Variants in AGAP3 observed in about 807,000 individuals in gnomAD.
AGAP3 encodes arf-GAP with GTPase, ANK repeat and PH domain-containing protein 3.
In AGAP3, 24 loss-of-function variants were observed where a neutral mutation model predicts 96.9. The observed-to-expected ratio is 0.25, with a 90% CI of 0.18 to 0.35. The LOEUF is 0.35. Among genes scored for constraint, AGAP3 ranks in the 10% least tolerant of loss-of-function variants. The probability of loss-of-function intolerance (pLI) is 1.00; values close to 1 mark genes in which losing one functional copy is unlikely to be tolerated. For missense variants in AGAP3, 876 were observed against 1,254.2 expected (o/e 0.70, Z 4.55); for synonymous variants, 563 against 536.1 (o/e 1.05, Z -0.69).
In AGAP3 at chr7:151,096,901, C is replaced by T. The variant is rs979707567; in HGVS notation, c.331+9829C>T. Among the ~76,000 whole-genome samples, 3 of 152,138 alleles carry T rather than the reference C, an allele frequency of 2.0e-5. No homozygotes were observed. Among genetic ancestry groups the T allele is most frequent in the Admixed American group, 2.0e-4 (3 of 15,276 alleles). On this transcript the variant is annotated intron_variant, in intron 1 of 17. Coordinates refer to ENST00000397238, the MANE Select transcript of AGAP3 (RefSeq NM_031946.7). This position sits in a 1 kb window ranked among gnomAD's most constrained non-coding sequence, Gnocchi z 4.4. ...TCAAGCAATTCTCGTGCCTCAGCCT[C>T]CCAAGGCACATGCCTTGGGATTACA...
rs560412863 is a variant in AGAP3 at position 151,121,699 on chromosome 7, C to T, written c.1128+1554C>T. ...GCTCACGGCACGGCCTTCCCTCTGG[C>T]GCTTCCATTCTCTCCATCCTCACAG... On this transcript the variant is annotated intron_variant, in intron 8 of 17. Transcript: ENST00000397238. Among the ~76,000 whole-genome samples the T allele has an allele frequency of 8.5e-5, 13 of 152,330 alleles. No homozygotes were observed. In the East Asian group the frequency reaches 9.6e-4, roughly 11 times the overall value.
chr7:151,087,369 C>A (rs1216063133), intron 1 of AGAP3, among the ~76,000 whole-genome samples: 1 of 152,034 alleles, frequency 6.6e-6, no homozygotes. Flanking sequence ...GGAAGGTGGG[C>A]GCGGCAGAGG....
Position 151,134,836 on chromosome 7 carries a change from G to A in AGAP3, c.1495+268G>A, listed in dbSNP as rs534165748. Among the ~76,000 whole-genome samples, 3 of 152,266 alleles carry A rather than the reference G, an allele frequency of 2.0e-5. No individual in the cohort carries two copies. The East Asian group carries it at 5.8e-4, about 29-fold the overall frequency. On this transcript the variant is annotated intron_variant, in intron 11 of 17. Transcript: ENST00000397238. ...TGGGCAGTGGTGCTGGTGGTCCTAG[G>A]CCCATCTCTGCATCTGGATCCGAGG... is the stretch of plus-strand genomic sequence containing the variant.
At position 151,140,286 on chromosome 7, in the gene AGAP3, G is replaced by GT. The variant is rs1293030637; in HGVS notation, c.1804+171dup. On this transcript the variant is annotated intron_variant, in intron 13 of 17. Coordinates refer to ENST00000397238, the MANE Select transcript of AGAP3 (RefSeq NM_031946.7). The surrounding 1 kb of genome is among the most constrained non-coding windows in gnomAD (Gnocchi z 5.4). ...AGCTTCTTTTGGTAATCTAGACCTG[G>GT]TATCTTAGAAAAGTTCTTCTGATAA... 8.1e-6 allele frequency: 6 copies of GT among 740,852 alleles called. No individual in the cohort carries two copies. The allele number at this position is 740,852 out of a possible 1,614,324, so 45.9% of individuals were successfully genotyped here.
intron 8 of AGAP3, chr7:151,120,765 G>A: frequency 8.4e-7 from 1 of 1,190,894 alleles, no homozygotes; most frequent in Non-Finnish European, 1.1e-6. Flanking sequence ...GTCTCCTTGT[G>A]AGCTCCTCAC....
rs760243698 is a variant in AGAP3, at chr7:151,134,532, G to A, written c.1459G>A (p.Val487Met). The change falls in exon 11 of 18, where the codon GTG becomes ATG. Residue 487 changes from valine to methionine, a missense_variant. This residue lies in a region of AGAP3 where 63 missense variants were observed against 114.5 expected (regional missense o/e 0.55). Transcript: ENST00000397238. ...CAGCCCCCGTGCCAACGGGCTGTCCGTGGAGCGGAGTAACACACAGCTGGG... is the reference window on the plus strand; with the variant it reads ...CAGCCCCCGTGCCAACGGGCTGTCCATGGAGCGGAGTAACACACAGCTGGG... ...GTSPRANGLS[V>M]ERSNTQLGGG... 1.2e-5 allele frequency: 19 copies of A among 1,612,690 alleles called. No individual in the cohort carries two copies. The highest frequency in any genetic ancestry group is 1.1e-4 in the East Asian group (5 of 44,882).
Position 151,138,163 on chromosome 7 carries a change from A to AGC in AGAP3, c.1519_1520dup (p.Ser508HisfsTer184). Reference sequence around the variant, plus strand: ...CCCAGGTGCCCCCCACTCGGCCAGCAGCGCATCCCTGCACTCTGAGCGCCC... The same window carrying AGC: ...CCCAGGTGCCCCCCACTCGGCCAGCAGCGCGCATCCCTGCACTCTGAGCGCCC... On this transcript the variant is annotated frameshift_variant, in exon 12 of 18. Transcript: ENST00000397238. LOFTEE classifies it high-confidence loss of function. The AGC allele has an allele frequency of 6.2e-7, 1 of 1,604,692 alleles. No homozygotes were observed. Among genetic ancestry groups the AGC allele is most frequent in the Non-Finnish European group, 8.5e-7 (1 of 1,176,242 alleles).
chr7:151,119,849 A>G, intron 7 of AGAP3, 138 bp from the exon 8 acceptor site: 1 of 720,570 alleles, frequency 1.4e-6, no homozygotes, highest in Non-Finnish European at 2.2e-6. Flanking sequence ...CCCCCATATC[A>G]TCTGTAGGGG....
intron 1 of AGAP3, among the ~76,000 whole-genome samples, chr7:151,112,538 G>A (rs1328268889): frequency 6.6e-6 from 1 of 151,880 alleles, no homozygotes; most frequent in Non-Finnish European, 1.5e-5. Flanking sequence ...TCCCCTGTCG[G>A]ATACCGTGTC....
At chr7:151,093,933 G>T (rs571707409) in intron 1 of AGAP3, among the ~76,000 whole-genome samples, 1 of 152,180 alleles carries the variant, frequency 6.6e-6, no homozygotes, top group African/African-American at 2.4e-5. Flanking sequence ...CTCCCTGGCC[G>T]GGGGTCTTGT....
At chr7:151,138,746 G>A (rs890228036) in intron 12 of AGAP3, among the ~76,000 whole-genome samples, 13 of 152,194 alleles carry the variant, frequency 8.5e-5, no homozygotes, top group African/African-American at 1.7e-4. Flanking sequence ...GAGGTCGGAC[G>A]GAGGCTGGGC....
intron 10 of AGAP3, among the ~76,000 whole-genome samples, chr7:151,129,863 C>A (rs539680025): frequency 6.6e-6 from 1 of 152,308 alleles, no homozygotes; most frequent in Non-Finnish European, 1.5e-5. Context: ...TGTACACAGC[C>A]CTACACTAAA....
intron 1 of AGAP3, among the ~76,000 whole-genome samples, chr7:151,092,565 G>A (rs572443856): frequency 1.2e-4 from 18 of 152,318 alleles, no homozygotes; most frequent in Non-Finnish European, 2.9e-5. Context: ...TGTTCCACCC[G>A]TGAATGTTCT....
chr7:151,134,259 C>T, intron 10 of AGAP3, 141 bp from the exon 11 acceptor site: 2 of 903,016 alleles, frequency 2.2e-6, no homozygotes, highest in Non-Finnish European at 3.4e-6. Flanking sequence ...CGGAGACATT[C>T]TGTGGCTTAG....
chr7:151,098,626 G>C (rs958546419), intron 1 of AGAP3, among the ~76,000 whole-genome samples: 7 of 152,144 alleles, frequency 4.6e-5, no homozygotes, highest in African/African-American at 1.4e-4. Flanking sequence ...ACTCCAGCCT[G>C]GGCGACAGAG....
intron 1 of AGAP3, chr7:151,112,120 T>C (rs1380670943): frequency 1.3e-5 from 2 of 152,246 alleles, no homozygotes; most frequent in Non-Finnish European, 2.9e-5. Context: ...GTTCTCCTTT[T>C]CGGGGTCTTT....
At chr7:151,136,857 C>T (rs937853529) in intron 11 of AGAP3, among the ~76,000 whole-genome samples, 41 of 152,066 alleles carry the variant, frequency 2.7e-4, no homozygotes, top group Non-Finnish European at 1.0e-4. Flanking sequence ...GTGTGCACCC[C>T]GGAAGGTTTC....
At chr7:151,124,341 C>T (rs1250627185) in intron 9 of AGAP3, among the ~76,000 whole-genome samples, 2 of 152,224 alleles carry the variant, frequency 1.3e-5, no homozygotes, top group Non-Finnish European at 2.9e-5. Context: ...TAGACTACCT[C>T]CTCACCTCTC....
rs531959484 is a variant in AGAP3 at position 151,117,292 on chromosome 7, G to T, written c.479-79G>T. 1.9e-5 allele frequency: 31 copies of T among 1,596,790 alleles called. No individual in the cohort carries two copies. In the East Asian group the frequency reaches 4.5e-4, roughly 23 times the overall value. ...CCCCCTTCCAGTCCTCTTCCCTCCC[G>T]CATGGGAAGCTGTAGATTTCTTCTT... On this transcript the variant is annotated intron_variant, in intron 3 of 17. Transcript: ENST00000397238.
Sources: allele counts gnomAD v4.1 joint callset (sites outside exome capture counted in the v4.1 genomes callset), GRCh38; gene constraint gnomAD v4.1.1; regional missense constraint gnomAD v4.1.1; non-coding constraint Gnocchi (gnomAD v3.1); transcripts MANE v1.5; gene names NCBI Gene and HGNC (gene_info 2026-07-23, HGNC 2026-07-21).